The following KDM1A variants were observed in gnomAD, a reference collection of about 807,000 sequenced individuals.
The protein encoded by KDM1A is lysine-specific histone demethylase 1A.
KDM1A carries 49 observed loss-of-function variants against 109.4 expected under a neutral mutation model. That is an observed-to-expected ratio of 0.45 (90% CI 0.36 to 0.57). KDM1A has a LOEUF of 0.57. KDM1A is among the 20% of genes least tolerant of loss of function. The pLI, the probability that KDM1A is intolerant of heterozygous loss-of-function variation, is 0.00. For missense variants in KDM1A, 668 were observed against 1,116.6 expected, an observed-to-expected ratio of 0.60 and a Z score of 5.73; for synonymous variants, 380 against 415.4, an observed-to-expected ratio of 0.91 and a Z score of 1.04.
intron 2 of KDM1A, 143 bp downstream of exon 2, chr1:23,030,777 T>TTGTGTGTGTGTATACATATACATGTATA (rs1641957736): frequency 6.1e-6 from 5 of 818,134 alleles, no homozygotes; most frequent in African/African-American, 1.7e-5. Flanking sequence ...ATGTGTGTCT[T>TTGTGTGTGTGTATACATATACATGTATA]TGTGTGTGTG....
intron 2 of KDM1A, among the ~76,000 whole-genome samples, chr1:23,036,465 CT>C (rs1408249344): frequency 6.8e-6 from 1 of 147,986 alleles, no homozygotes; most frequent in African/African-American, 2.5e-5. Context: ...CCCCCGCCCC[CT>C]CACCACTCCA....
chr1:23,082,013 G>A, intron 19 of KDM1A: 1 of 265,586 alleles, frequency 3.8e-6, no homozygotes, highest in Non-Finnish European at 6.2e-6. Context: ...TAGACAGGAA[G>A]GCAACATGGA....
At chr1:23,082,189 TAA>T (rs1435804352) in intron 19 of KDM1A, 29 bp from the exon 20 acceptor site, 14 of 1,609,828 alleles carry the variant, frequency 8.7e-6, no homozygotes, top group Non-Finnish European at 1.2e-5. Flanking sequence ...TGGTGTCTCG[TAA>T]TGACTTTTGC....
intron 9 of KDM1A, among the ~76,000 whole-genome samples, chr1:23,065,343 C>G (rs943901509): frequency 6.6e-6 from 1 of 152,156 alleles, no homozygotes; most frequent in Non-Finnish European, 1.5e-5. Context: ...ATATTTCTAA[C>G]TAGCTTGTTT....
chr1:23,066,092 C>A, intron 10 of KDM1A, 21 bp downstream of exon 10: 1 of 1,520,374 alleles, frequency 6.6e-7, no homozygotes, highest in South Asian at 1.1e-5. Context: ...CATAATTTTT[C>A]AAATCATTTT....
chr1:23,079,017 G>A lies in KDM1A; in HGVS notation c.1895G>A (p.Arg632His), dbSNP rs1453811094. ...SGCEVIAVNT[R>H]STSQTFIYKC... is the part of the protein sequence containing the mutation. Reference sequence around the variant, plus strand: ...TGTGAAGTGATAGCTGTGAATACCCGCTCCACGAGTCAAACCTTTATTTAT... The same window carrying A: ...TGTGAAGTGATAGCTGTGAATACCCACTCCACGAGTCAAACCTTTATTTAT... Residue 632 changes from arginine to histidine, a missense_variant, in exon 17 of 21, where the codon CGC (arginine) becomes CAC (histidine). Physicochemically the swap from Arg to His is conservative, Grantham distance 29 (BLOSUM62 0). Coordinates refer to ENST00000400181, the MANE Select transcript of KDM1A (RefSeq NM_001009999.3). The surrounding 1 kb of genome is among the most constrained non-coding windows in gnomAD (Gnocchi z 5.6). 3 of 1,613,970 alleles carry A rather than the reference G, an allele frequency of 1.9e-6. No homozygotes were observed. Among genetic ancestry groups the A allele is most frequent in the East Asian group, 2.2e-5 (1 of 44,872 alleles).
chr1:23,083,185 C>T lies in KDM1A; in HGVS notation c.2452C>T (p.Pro818Ser). The T allele has an allele frequency of 6.2e-7, 1 of 1,609,064 alleles. No homozygotes were observed. Among genetic ancestry groups the T allele is most frequent in the Non-Finnish European group, 8.5e-7 (1 of 1,175,928 alleles). Reference protein sequence around the residue: ...PSIPGAPQPIPRLFFAGEHTI... With the variant: ...PSIPGAPQPISRLFFAGEHTI... The stretch of plus-strand genomic sequence containing the variant: ...TCTTTTTCCCCTAAAATAGCCGATT[C>T]CACGACTCTTCTTTGCGGGAGAACA... The change falls in exon 21 of 21, where the codon CCA becomes TCA. Residue 818 changes from proline to serine, a missense_variant. Physicochemically the swap from Pro to Ser is moderately conservative, Grantham distance 74. Coordinates refer to ENST00000400181, the MANE Select transcript of KDM1A (RefSeq NM_001009999.3).
rs1295641186 is a variant in KDM1A at position 23,019,772 on chromosome 1, C to T, written c.176C>T (p.Thr59Ile). The T allele has an allele frequency of 1.5e-6, 2 of 1,362,398 alleles. No homozygotes were observed. The highest frequency in any genetic ancestry group is 1.5e-5 in the African/African-American group (1 of 65,060). The allele number at this position is 1,362,398 out of a possible 1,614,324, so 84.4% of individuals were successfully genotyped here. ...EVGPGAVGER[T>I]PRKKEPPRAS... ...GGGCCGGGGGCGGTGGGGGAGCGCA[C>T]ACCCCGCAAGAAAGAGCCTCCGCGG... is the stretch of plus-strand genomic sequence containing the variant. Residue 59 changes from threonine to isoleucine, a missense_variant, in exon 1 of 21, where the codon ACA becomes ATA. This residue lies in a region of KDM1A where 156 missense variants were observed against 163.4 expected (regional missense o/e 0.95). Transcript: ENST00000400181.
chr1:23,082,284 T>A lies in KDM1A; in HGVS notation c.2363T>A (p.Val788Asp). Residue 788 changes from valine to aspartate, a missense_variant, in exon 20 of 21, where the codon GTT (valine) becomes GAT (aspartate). By Grantham distance (152) the Val-to-Asp change is radical. Coordinates refer to ENST00000400181, the MANE Select transcript of KDM1A (RefSeq NM_001009999.3). ...DPWARGSYSY[V>D]AAGSSGNDYD... ...TGGGCTCGGGGCTCTTATTCCTATG[T>A]TGCTGCAGGATCATCTGGAAATGAC... 1 of 1,614,000 alleles carries A rather than the reference T, an allele frequency of 6.2e-7. No homozygotes were observed. The highest frequency in any genetic ancestry group is 8.5e-7 in the Non-Finnish European group (1 of 1,179,974).
At chr1:23,082,406 G>C (rs1378358641) in intron 20 of KDM1A, 40 bp downstream of exon 20, 1 of 1,536,478 alleles carries the variant, frequency 6.5e-7, no homozygotes, top group African/African-American at 1.4e-5. Flanking sequence ...TTTGGGAAGA[G>C]GCCAGGATCT....
At chr1:23,027,807 C>G (rs1641858045) in intron 1 of KDM1A, among the ~76,000 whole-genome samples, 1 of 150,348 alleles carries the variant, frequency 6.7e-6, no homozygotes, top group African/African-American at 2.4e-5. Context: ...ATTCTGAAGT[C>G]TACCCCAAAT....
At chr1:23,042,560 C>T (rs1642378885) in intron 2 of KDM1A, among the ~76,000 whole-genome samples, 1 of 141,340 alleles carries the variant, frequency 7.1e-6, no homozygotes, top group South Asian at 2.3e-4. Context: ...TCACGCCATT[C>T]TCCTGCCTCA....
At position 23,069,049 on chromosome 1, in the gene KDM1A, T is replaced by C; in HGVS notation, c.1323-12T>C. ...GGCTTTGAGAGCAGATTATACATAT[T>C]GTCTCTCTTAGGTTACAAGAGAAGC... On this transcript the variant is annotated splice_polypyrimidine_tract_variant and intron_variant, in intron 11 of 20. Transcript: ENST00000400181. 1 of 1,583,422 alleles carries C rather than the reference T, an allele frequency of 6.3e-7. No homozygotes were observed. Among genetic ancestry groups the C allele is most frequent in the Non-Finnish European group, 8.6e-7 (1 of 1,161,224 alleles).
chr1:23,022,324 G>GTT lies in KDM1A; in HGVS notation c.351+2389_351+2390dup, dbSNP rs35333220. Among the ~76,000 whole-genome samples, 220 of 71,230 alleles carry GTT rather than the reference G, an allele frequency of 3.1e-3. 3 individuals carry two copies. The highest frequency in any genetic ancestry group is 2.8e-3 in the Admixed American group (24 of 8,572). 46.7% of individuals were successfully genotyped at this position (71,230 alleles called of 152,430 possible). On this transcript the variant is annotated intron_variant, in intron 1 of 20. Transcript: ENST00000400181. ...TCCAGTTTCTCCAATGTTCTTCTTC[G>GTT]TTTTTTTTTTTTTGTTGTTGTTGTT... is the stretch of plus-strand genomic sequence containing the variant.
At position 23,019,670 on chromosome 1, in the gene KDM1A, C is replaced by T; in HGVS notation, c.74C>T (p.Pro25Leu). 3 of 1,378,352 alleles carry T rather than the reference C, an allele frequency of 2.2e-6. No homozygotes were observed. The South Asian group carries it at 5.1e-5, about 24-fold the overall frequency. The allele number at this position is 1,378,352 out of a possible 1,614,324, so 85.4% of individuals were successfully genotyped here. A position where few individuals can be genotyped will look rare whatever the true frequency, so the allele number is the denominator to read the frequency against. The change falls in exon 1 of 21, where the codon CCT becomes CTT. Residue 25 changes from proline (P) to leucine (L), a missense_variant. Around this residue, in one of 8 missense-constraint regions of KDM1A, gnomAD observed 156 missense variants for 163.4 expected, o/e 0.95. Coordinates refer to ENST00000400181, the MANE Select transcript of KDM1A (RefSeq NM_001009999.3). ...GCAGCAACCGGGACGGAGGCTGGCC[C>T]TGGGACAGCAGGCGGCTCCGAGAAC... ...AAAATGTEAG[P>L]GTAGGSENGS... is the part of the protein sequence containing the mutation.
In KDM1A at chr1:23,053,753, A is replaced by G. The variant is rs755447809; in HGVS notation, c.712-8A>G. On this transcript the variant is annotated splice_polypyrimidine_tract_variant and splice_region_variant and intron_variant, in intron 4 of 20. Transcript: ENST00000400181. ...GTATGTAATACAATTTATGTCATTT[A>G]AATGCAGCTGCAGTTGTGGTTGGAT... 4 of 1,584,274 alleles carry G rather than the reference A, an allele frequency of 2.5e-6. No homozygotes were observed. In the Admixed American group the frequency reaches 5.0e-5, roughly 20 times the overall value.
chr1:23,083,587 C>T lies in KDM1A; in HGVS notation c.*223C>T, dbSNP rs1643685303. 1 of 406,974 alleles carries T rather than the reference C, an allele frequency of 2.5e-6. No homozygotes were observed. The highest frequency in any genetic ancestry group is 7.5e-5 in the South Asian group (1 of 13,314). The allele number at this position is 406,974 out of a possible 1,614,324, so 25.2% of individuals were successfully genotyped here. A position where few individuals can be genotyped will look rare whatever the true frequency, so the allele number is the denominator to read the frequency against. On this transcript the variant is annotated 3_prime_UTR_variant, in exon 21 of 21. Transcript: ENST00000400181. The stretch of plus-strand genomic sequence containing the variant: ...TTTGGAATTGTGTTCTTCGTAAAGA[C>T]TGAGGCAAGCAAGTGCTGTGAAATA...
chr1:23,043,806 A>G (rs1311485063), intron 2 of KDM1A, among the ~76,000 whole-genome samples: 3 of 152,174 alleles, frequency 2.0e-5, no homozygotes, highest in Non-Finnish European at 4.4e-5. Flanking sequence ...CTGTGTTACC[A>G]CAAGTGTGTG....
Position 23,030,584 on chromosome 1 carries a change from C to A in KDM1A, c.467C>A (p.Pro156His), listed in dbSNP as rs1641952574. Residue 156 changes from proline to histidine, a missense_variant, in exon 2 of 21, where the codon CCT becomes CAT. This residue lies in a region of KDM1A where 149 missense variants were observed against 189.7 expected (regional missense o/e 0.79). Transcript: ENST00000400181. The part of the protein sequence containing the change: ...EKEKKLPPPP[P>H]QAPPEEENES... ...GAAAAGAAGCTTCCCCCACCACCCC[C>A]TCAAGCCCCACCTGAGGAAGAAAAT... The A allele has an allele frequency of 1.2e-6, 2 of 1,607,432 alleles. No homozygotes were observed. The highest frequency in any genetic ancestry group is 2.2e-5 in the East Asian group (1 of 44,716).
Sources: gnomAD v4.1 joint callset for allele counts (sites outside exome capture counted in the v4.1 genomes callset) on GRCh38, gnomAD v4.1.1 for gene constraint, gnomAD v4.1.1 regional missense constraint, Gnocchi (gnomAD v3.1) non-coding constraint, MANE v1.5 for transcripts, NCBI Gene and HGNC (gene_info 2026-07-23, HGNC 2026-07-21) for gene names.